The following EARS2 variants were observed in gnomAD, a reference collection of about 807,000 sequenced individuals.
The protein encoded by EARS2 is nondiscriminating glutamyl-tRNA synthetase EARS2, mitochondrial.
Under a neutral mutation model 54.1 loss-of-function variants are expected in EARS2, and 50 were observed. That is an observed-to-expected ratio of 0.92 (90% CI 0.74 to 1.17). The LOEUF (loss-of-function observed/expected upper bound fraction) is 1.17, where lower values mean the gene tolerates loss of function less well. Among genes scored for constraint, EARS2 ranks in the 50% most tolerant of loss-of-function variants. EARS2 has a pLI of 0.00. For synonymous variants in EARS2, 298 were observed against 281.0 expected (o/e 1.06, Z -0.61); for missense variants, 673 against 675.0 (o/e 1.00, Z 0.03).
At chr16:23,539,290 G>T (rs13334168) in intron 3 of EARS2, among the ~76,000 whole-genome samples, 2 of 152,160 alleles carry the variant, frequency 1.3e-5, no homozygotes, top group South Asian at 4.1e-4. Flanking sequence ...TTTTACAATA[G>T]AAAGGACTTG....
In EARS2 at chr16:23,535,534, T is replaced by C. The variant is rs535134213; in HGVS notation, c.486-174A>G. The C allele has an allele frequency of 2.7e-4, 170 of 618,482 alleles. 1 individual carries two copies. The highest frequency in any genetic ancestry group is 2.7e-3 in the South Asian group (135 of 50,376). The allele number at this position is 618,482 out of a possible 1,614,324, so 38.3% of individuals were successfully genotyped here. On this transcript the variant is annotated intron_variant, in intron 3 of 8. Coordinates refer to ENST00000449606, the MANE Select transcript of EARS2 (RefSeq NM_001083614.2). ...TGTGGAAAACTGAGATAACATGGTG[T>C]AGCAGACACTAATGTCTGCCTATCT...
intron 1 of EARS2, among the ~76,000 whole-genome samples, chr16:23,555,911 T>A (rs1445049626): frequency 6.6e-6 from 1 of 152,260 alleles, no homozygotes; most frequent in East Asian, 1.9e-4. Context: ...CATAGCAATC[T>A]GGCAGAATGA....
In EARS2 at chr16:23,524,370, C is replaced by G; in HGVS notation, c.*1G>C. Reference sequence around the variant, plus strand: ...TCTCCACTGCCCGAAACATCCTCTCCCTAGCTGGAAACCACCTTCTGGATC... The same window carrying G: ...TCTCCACTGCCCGAAACATCCTCTCGCTAGCTGGAAACCACCTTCTGGATC... On this transcript the variant is annotated 3_prime_UTR_variant, in exon 9 of 9. Coordinates refer to ENST00000449606, the MANE Select transcript of EARS2 (RefSeq NM_001083614.2). 1 of 1,613,850 alleles carries G rather than the reference C, an allele frequency of 6.2e-7. No individual in the cohort carries two copies. The highest frequency in any genetic ancestry group is 8.5e-7 in the Non-Finnish European group (1 of 1,179,698).
In EARS2 at chr16:23,522,265, A is replaced by G; in HGVS notation, c.*2106T>C. On this transcript the variant is annotated 3_prime_UTR_variant, in exon 9 of 9. Transcript: ENST00000449606. ...CTGTGAAACTACCTATTACTGGCCAAGGAATGGTAGCAGGACCTCAGATAG... is the reference window on the plus strand; with the variant it reads ...CTGTGAAACTACCTATTACTGGCCAGGGAATGGTAGCAGGACCTCAGATAG... 6.1e-6 allele frequency: 1 copy of G among 165,098 alleles called. No homozygotes were observed. Among genetic ancestry groups the G allele is most frequent in the Non-Finnish European group, 1.3e-5 (1 of 74,902 alleles). The allele number at this position is 165,098 out of a possible 1,614,324, so 10.2% of individuals were successfully genotyped here.
chr16:23,546,248 G>A (rs1701445509), intron 2 of EARS2: 1 of 382,700 alleles, frequency 2.6e-6, no homozygotes, highest in East Asian at 7.3e-5. Flanking sequence ...AGGGCACAGG[G>A]ACACAAGAAC....
chr16:23,529,967 G>A lies in EARS2; in HGVS notation c.1068-70C>T, dbSNP rs545106878. 3.2e-6 allele frequency: 5 copies of A among 1,572,464 alleles called. No homozygotes were observed. In the Admixed American group the frequency reaches 8.9e-5, roughly 28 times the overall value. On this transcript the variant is annotated intron_variant, in intron 5 of 8. Coordinates refer to ENST00000449606, the MANE Select transcript of EARS2 (RefSeq NM_001083614.2). The stretch of plus-strand genomic sequence containing the variant: ...CCACCCAAACCGTCTCTCCCCCAGG[G>A]AAAGGGTGAAGTTGGAAGAATGACA...
chr16:23,522,639 A>G lies in EARS2; in HGVS notation c.*1732T>C, dbSNP rs1159702078. The G allele has an allele frequency of 2.6e-5, 4 of 152,202 alleles. No homozygotes were observed. The highest frequency in any genetic ancestry group is 9.6e-5 in the African/African-American group (4 of 41,452). The allele number at this position is 152,202 out of a possible 1,614,324, so 9.4% of individuals were successfully genotyped here. A position where few individuals can be genotyped will look rare whatever the true frequency, so the allele number is the denominator to read the frequency against. On this transcript the variant is annotated 3_prime_UTR_variant, in exon 9 of 9. Coordinates refer to ENST00000449606, the MANE Select transcript of EARS2 (RefSeq NM_001083614.2). ...AGACTAGGACTCTATGGGGCTCAAC[A>G]AACTCTGTAATCGCCTTTCCACTCC... is the stretch of plus-strand genomic sequence containing the variant.
At position 23,529,851 on chromosome 16, in the gene EARS2, G is replaced by C. The variant is rs1965294239; in HGVS notation, c.1114C>G (p.Leu372Val). 3 of 1,614,026 alleles carry C rather than the reference G, an allele frequency of 1.9e-6. No homozygotes were observed. The highest frequency in any genetic ancestry group is 2.5e-6 in the Non-Finnish European group (3 of 1,180,030). The change falls in exon 6 of 9, where the codon CTG (leucine) becomes GTG (valine). Residue 372 changes from leucine to valine, a missense_variant. Physicochemically the swap from Leu to Val is conservative, Grantham distance 32 (BLOSUM62 1). Coordinates refer to ENST00000449606, the MANE Select transcript of EARS2 (RefSeq NM_001083614.2). The part of the protein sequence containing the change: ...LVSNESQRRQ[L>V]VGKLQVLVEE... Reference sequence around the variant, plus strand: ...ACAAGGACCTGCAGCTTCCCCACCAGCTGGCGCCTCTGGCTCTCATTGCTC... The same window carrying C: ...ACAAGGACCTGCAGCTTCCCCACCACCTGGCGCCTCTGGCTCTCATTGCTC...
Position 23,525,345 on chromosome 16 carries a change from C to A in EARS2, c.1387G>T (p.Asp463Tyr). The change falls in exon 8 of 9, where the codon GAT becomes TAT. Residue 463 changes from aspartate to tyrosine, a missense_variant. This residue lies in a region of EARS2 where 338 missense variants were observed against 361.2 expected (regional missense o/e 0.94). Transcript: ENST00000449606. ...LERSSMSLTQ[D>Y]MLNGELKKLS... Reference sequence around the variant, plus strand: ...TTCTTCAGTTCTCCATTCAGCATATCCTGAGTTAAGCTCATACTAGATCTT... The same window carrying A: ...TTCTTCAGTTCTCCATTCAGCATATACTGAGTTAAGCTCATACTAGATCTT... 1 of 1,613,972 alleles carries A rather than the reference C, an allele frequency of 6.2e-7. No homozygotes were observed. Among genetic ancestry groups the A allele is most frequent in the Non-Finnish European group, 8.5e-7 (1 of 1,179,978 alleles).
At position 23,534,932 on chromosome 16, in the gene EARS2, T is replaced by A. The variant is rs760017945; in HGVS notation, c.914A>T (p.Asp305Val). 6.2e-7 allele frequency: 1 copy of A among 1,600,570 alleles called. No individual in the cohort carries two copies. Among genetic ancestry groups the A allele is most frequent in the Non-Finnish European group, 8.5e-7 (1 of 1,171,574 alleles). Residue 305 changes from aspartate to valine, a missense_variant, in exon 4 of 9, where the codon GAT becomes GTT. Asp to Val is a radical substitution (Grantham distance 152). Coordinates refer to ENST00000449606, the MANE Select transcript of EARS2 (RefSeq NM_001083614.2). ...EHFAADGFLP[D>V]SLLDIITNCG... ...GTTGGTGATGATGTCCAACAAGGAATCGGGCAGGAAGCCATCAGCAGCAAA... is the reference window on the plus strand; with the variant it reads ...GTTGGTGATGATGTCCAACAAGGAAACGGGCAGGAAGCCATCAGCAGCAAA...
In EARS2 at chr16:23,525,318, G is replaced by C. The variant is rs548385341; in HGVS notation, c.1414C>G (p.Leu472Val). The C allele has an allele frequency of 9.3e-6, 15 of 1,614,050 alleles. No individual in the cohort carries two copies. In the East Asian group the frequency reaches 3.1e-4, roughly 34 times the overall value. Residue 472 changes from leucine (L) to valine (V), a missense_variant, in exon 8 of 9, where the codon CTA (leucine) becomes GTA (valine). Physicochemically the swap from Leu to Val is conservative, Grantham distance 32. Transcript: ENST00000449606. Reference sequence around the variant, plus strand: ...TTGGTGCCTTCCAGACCTTCTGATAGCTTCTTCAGTTCTCCATTCAGCATA... The same window carrying C: ...TTGGTGCCTTCCAGACCTTCTGATACCTTCTTCAGTTCTCCATTCAGCATA... ...QDMLNGELKK[L>V]SEGLEGTKYS...
intron 1 of EARS2, 119 bp from the exon 2 acceptor site, chr16:23,552,423 A>T: frequency 8.7e-7 from 1 of 1,151,916 alleles, no homozygotes; most frequent in Non-Finnish European, 1.2e-6. Context: ...AGCAGGACAC[A>T]TTGGCTCACG....
rs374785094 is a variant in EARS2, at chr16:23,529,567, T to C, written c.1287A>G (p.Ala429=). Residue 429 remains alanine (A), a synonymous_variant, in exon 7 of 9, where the codon GCA becomes GCG. Coordinates refer to ENST00000449606, the MANE Select transcript of EARS2 (RefSeq NM_001083614.2). ...PVYSYLWTRP[A]VGRAQLDAIS... ...TGGCGTCCAGCTGTGCTCGACCTAC[T>C]GCAGGGCGAGTCCACAGGTAAGAGT... The C allele has an allele frequency of 6.2e-7, 1 of 1,614,160 alleles. No homozygotes were observed.
Position 23,541,665 on chromosome 16 carries a change from GA to G in EARS2, c.485+2848del, listed in dbSNP as rs772889774. 3.9e-4 allele frequency among the ~76,000 whole-genome samples: 59 copies of G among 151,462 alleles called. 1 individual carries two copies. The highest frequency in any genetic ancestry group is 5.7e-4 in the Non-Finnish European group (39 of 67,912). ...TGAGTGGCCAGAGTCAAGATTGGAA[GA>G]GAGTTCTTTCAATATATATCTTTGT... On this transcript the variant is annotated intron_variant, in intron 3 of 8. Transcript: ENST00000449606.
chr16:23,547,509 AT>A (rs948191591), intron 2 of EARS2, among the ~76,000 whole-genome samples: 15 of 151,362 alleles, frequency 9.9e-5, no homozygotes, highest in Admixed American at 5.3e-4. Context: ...ATTATATGTC[AT>A]TTTTTTTTCC....
intron 3 of EARS2, among the ~76,000 whole-genome samples, chr16:23,543,242 G>GTTTTC (rs1567386362): frequency 1.3e-5 from 2 of 151,372 alleles, no homozygotes; most frequent in Non-Finnish European, 2.9e-5. Context: ...AACATAGTGA[G>GTTTTC]ATCCCCATCT....
At chr16:23,541,934 C>A (rs7202632) in intron 3 of EARS2, among the ~76,000 whole-genome samples, 1 of 151,478 alleles carries the variant, frequency 6.6e-6, no homozygotes, top group Non-Finnish European at 1.5e-5. Context: ...TCTCAGCTCA[C>A]TGCAACCTTC....
At chr16:23,556,844 T>C (rs573333610) in intron 1 of EARS2, 64 of 518,136 alleles carry the variant, frequency 1.2e-4, no homozygotes, top group African/African-American at 1.1e-3. Context: ...TATAAGTGTC[T>C]GCGGCAGCCA....
intron 1 of EARS2, chr16:23,556,910 T>G (rs1567393914): frequency 3.2e-6 from 2 of 632,516 alleles, no homozygotes; most frequent in East Asian, 3.3e-5. Context: ...GATCACTGTA[T>G]CCCAGCGTCT....
Sources: allele counts gnomAD v4.1 joint callset (sites outside exome capture counted in the v4.1 genomes callset), GRCh38; gene constraint gnomAD v4.1.1; regional missense constraint gnomAD v4.1.1; transcripts MANE v1.5; gene names NCBI Gene and HGNC (gene_info 2026-07-23, HGNC 2026-07-21).